The following SNX24 variants were observed in gnomAD, a reference collection of about 807,000 sequenced individuals.
The protein encoded by SNX24 is sorting nexin 24.
A neutral mutation model predicts 28.7 loss-of-function variants in SNX24; 22 were observed. The observed-to-expected ratio is 0.77, with a 90% CI of 0.55 to 1.10. The LOEUF is 1.10. SNX24 is among the 50% of genes least tolerant of loss of function. SNX24 has a pLI of 0.00. For missense variants in SNX24, 221 were observed against 201.1 expected (o/e 1.10, Z -0.60); for synonymous variants, 69 against 71.5 (o/e 0.96, Z 0.18).
intron 3 of SNX24, among the ~76,000 whole-genome samples, chr5:122,972,377 C>T (rs753753940): frequency 1.3e-5 from 2 of 152,258 alleles, no homozygotes; most frequent in Non-Finnish European, 2.9e-5. Flanking sequence ...TGAATCCTGG[C>T]TATGAGAGAA....
At chr5:122,862,404 A>G (rs1016922533) in intron 1 of SNX24, among the ~76,000 whole-genome samples, 10 of 152,166 alleles carry the variant, frequency 6.6e-5, no homozygotes, top group African/African-American at 2.4e-4. Context: ...TCACGAGGTC[A>G]GGAGATCGAG....
intron 3 of SNX24, among the ~76,000 whole-genome samples, chr5:122,994,446 G>T (rs1423722686): frequency 6.6e-6 from 1 of 152,110 alleles, no homozygotes; most frequent in Non-Finnish European, 1.5e-5. Flanking sequence ...CTGTAATTTT[G>T]TGACTACATT....
chr5:123,024,159 G>T (rs1194418078), intron 5 of SNX24, among the ~76,000 whole-genome samples: 2 of 130,814 alleles, frequency 1.5e-5, no homozygotes, highest in East Asian at 4.5e-4. Context: ...TTTTATGCAC[G>T]CTAACTGTGG....
chr5:122,960,709 T>C (rs1231046445), intron 3 of SNX24, among the ~76,000 whole-genome samples: 1 of 152,164 alleles, frequency 6.6e-6, no homozygotes, highest in Admixed American at 6.5e-5. Flanking sequence ...TAAACTCAAC[T>C]GAGACTCAGG....
intron 1 of SNX24, among the ~76,000 whole-genome samples, chr5:122,889,820 C>T (rs543604869): frequency 1.3e-5 from 2 of 150,680 alleles, no homozygotes; most frequent in South Asian, 2.1e-4. Context: ...AACATAATCA[C>T]GGTAAAATTG....
intron 1 of SNX24, among the ~76,000 whole-genome samples, chr5:122,935,366 A>AT (rs998280818): frequency 5.4e-4 from 81 of 150,550 alleles, no homozygotes; most frequent in Middle Eastern, 3.5e-3. Context: ...TAATAAACAG[A>AT]TTTTTTTTTT....
Position 123,004,714 on chromosome 5 carries a change from C to T in SNX24, c.442+2710C>T, listed in dbSNP as rs936152333. 5.9e-5 allele frequency among the ~76,000 whole-genome samples: 9 copies of T among 152,334 alleles called. No individual in the cohort carries two copies. The East Asian group carries it at 9.6e-4, about 16-fold the overall frequency. ...CTCCTCATACACTTTGCCCTAGCCACCCTGGAATTCTTTCTGGGCCTCAGA... is the reference window on the plus strand; with the variant it reads ...CTCCTCATACACTTTGCCCTAGCCATCCTGGAATTCTTTCTGGGCCTCAGA... On this transcript the variant is annotated intron_variant, in intron 6 of 6. Transcript: ENST00000261369.
chr5:122,935,420 A>G (rs531811123), intron 1 of SNX24, among the ~76,000 whole-genome samples: 1 of 152,316 alleles, frequency 6.6e-6, no homozygotes, highest in African/African-American at 2.4e-5. Flanking sequence ...AAGCATATGC[A>G]TATGGTTTTA....
intron 1 of SNX24, among the ~76,000 whole-genome samples, chr5:122,881,262 T>C (rs996584590): frequency 6.6e-6 from 1 of 152,238 alleles, no homozygotes; most frequent in Admixed American, 6.5e-5. Context: ...TATGGAAATA[T>C]GTTGTTCATT....
At chr5:122,944,350 C>T (rs1759586049) in intron 2 of SNX24, among the ~76,000 whole-genome samples, 1 of 152,186 alleles carries the variant, frequency 6.6e-6, no homozygotes, top group African/African-American at 2.4e-5. Flanking sequence ...GTAACTCTGT[C>T]ACCTGGTCAC....
In SNX24 at chr5:122,845,698, GCGCGGGC is replaced by G; in HGVS notation, c.60+13_60+19del. 1 of 1,390,430 alleles carries G rather than the reference GCGCGGGC, an allele frequency of 7.2e-7. No individual in the cohort carries two copies. Among genetic ancestry groups the G allele is most frequent in the Admixed American group, 2.7e-5 (1 of 37,608 alleles). The allele number at this position is 1,390,430 out of a possible 1,614,324, so 86.1% of individuals were successfully genotyped here. A position where few individuals can be genotyped will look rare whatever the true frequency, so the allele number is the denominator to read the frequency against. On this transcript the variant is annotated splice_donor_region_variant and intron_variant, in intron 1 of 6. Transcript: ENST00000261369. ...GACCTGGAGCGGGGATACACGGTAG[GCGCGGGC>G]CGCGGGCGGACAGGGCCCCGCGAGC...
chr5:122,851,879 A>G (rs2150031330), intron 1 of SNX24, among the ~76,000 whole-genome samples: 1 of 152,268 alleles, frequency 6.6e-6, no homozygotes, highest in South Asian at 2.1e-4. Context: ...ATAATTTTAC[A>G]GTGTATACCT....
rs1287334990 is a variant in SNX24 at position 122,845,718 on chromosome 5, G to C, written c.60+25G>C. On this transcript the variant is annotated intron_variant, in intron 1 of 6. Transcript: ENST00000261369. ...GGTAGGCGCGGGCCGCGGGCGGACA[G>C]GGCCCCGCGAGCCAGGCCTGCGGCT... 2.2e-6 allele frequency: 3 copies of C among 1,341,340 alleles called. No homozygotes were observed. In the African/African-American group the frequency reaches 4.5e-5, roughly 20 times the overall value. The allele number at this position is 1,341,340 out of a possible 1,614,324, so 83.1% of individuals were successfully genotyped here. A position where few individuals can be genotyped will look rare whatever the true frequency, so the allele number is the denominator to read the frequency against.
chr5:122,985,058 C>T (rs1761541227), intron 3 of SNX24, among the ~76,000 whole-genome samples: 1 of 152,138 alleles, frequency 6.6e-6, no homozygotes, highest in Non-Finnish European at 1.5e-5. Flanking sequence ...CCATTTGATA[C>T]AAAGCGAGAG....
chr5:122,949,450 A>G (rs866338593), intron 3 of SNX24, among the ~76,000 whole-genome samples: 9 of 152,160 alleles, frequency 5.9e-5, no homozygotes, highest in Non-Finnish European at 1.3e-4. Context: ...AATATTTTAC[A>G]TTGTATTTGA....
chr5:122,975,367 GT>G lies in SNX24; in HGVS notation c.250-24535del, dbSNP rs540091561. Among the ~76,000 whole-genome samples the G allele has an allele frequency of 6.4e-4, 95 of 147,928 alleles. 1 individual carries two copies. Among genetic ancestry groups the G allele is most frequent in the African/African-American group, 2.7e-4 (11 of 40,404 alleles). On this transcript the variant is annotated intron_variant, in intron 3 of 6. Transcript: ENST00000261369. Reference sequence around the variant, plus strand: ...TTTGTTTGCTGAAAATAAATTTATGGTTTTTTTTTTGTTCTTTGATAGCTTG... The same window carrying G: ...TTTGTTTGCTGAAAATAAATTTATGGTTTTTTTTTGTTCTTTGATAGCTTG...
intron 3 of SNX24, among the ~76,000 whole-genome samples, chr5:122,954,609 C>A (rs1463165778): frequency 1.3e-5 from 2 of 151,740 alleles, no homozygotes; most frequent in Non-Finnish European, 2.9e-5. Context: ...ATTACAAGGG[C>A]CTTACAATAT....
chr5:123,005,446 C>A (rs1364368503), intron 6 of SNX24, among the ~76,000 whole-genome samples: 1 of 152,228 alleles, frequency 6.6e-6, no homozygotes, highest in Non-Finnish European at 1.5e-5. Context: ...CCCTCTCCAG[C>A]CCATGCCCTG....
At chr5:123,019,112 A>G (rs904186352) in intron 5 of SNX24, among the ~76,000 whole-genome samples, 2 of 152,140 alleles carry the variant, frequency 1.3e-5, no homozygotes, top group Non-Finnish European at 2.9e-5. Context: ...ACCACTCTAG[A>G]ATGTCAGTAA....
Sources: allele counts gnomAD v4.1 joint callset (sites outside exome capture counted in the v4.1 genomes callset), GRCh38; gene constraint gnomAD v4.1.1; transcripts MANE v1.5; gene names NCBI Gene and HGNC (gene_info 2026-07-23, HGNC 2026-07-21).